Variants in TXLNG observed in about 807,000 individuals in gnomAD.
The protein encoded by TXLNG is taxilin gamma.
Under a neutral mutation model 38.8 loss-of-function variants are expected in TXLNG, and 5 were observed. That is an observed-to-expected ratio of 0.13 (90% CI 0.07 to 0.27). TXLNG has a LOEUF of 0.27. TXLNG is among the 10% of genes least tolerant of loss of function. The pLI is 1.00. For missense variants in TXLNG, 393 were observed against 398.2 expected (o/e 0.99, Z 0.11); for synonymous variants, 182 against 158.2 (o/e 1.15, Z -1.13).
chrX:16,787,620 G>C (rs767340997), intron 1 of TXLNG, among the ~76,000 whole-genome samples: 1 of 110,738 alleles, frequency 9.0e-6, no homozygotes, highest in African/African-American at 3.3e-5. Flanking sequence ...GAAAAAGATT[G>C]CACAACGAAC....
intron 1 of TXLNG, among the ~76,000 whole-genome samples, chrX:16,801,292 T>A (rs372250358): frequency 2.1e-4 from 23 of 111,793 alleles, no homozygotes; most frequent in African/African-American, 7.5e-4. Flanking sequence ...TTCATGCAAT[T>A]CTCCTGCCTC....
chrX:16,808,451 A>T (rs779404831), intron 1 of TXLNG, among the ~76,000 whole-genome samples: 12 of 111,925 alleles, frequency 1.1e-4, no homozygotes, highest in African/African-American at 3.2e-4. Context: ...TTTGCTGTTA[A>T]AAAACATGTT....
chrX:16,800,348 A>G (rs1465248763), intron 1 of TXLNG, among the ~76,000 whole-genome samples: 1 of 108,525 alleles, frequency 9.2e-6, no homozygotes, highest in African/African-American at 3.4e-5. Context: ...TCCACCTCCC[A>G]GGCTCAGGTG....
chrX:16,826,688 T>G (rs1002506968), intron 3 of TXLNG, among the ~76,000 whole-genome samples: 1 of 111,405 alleles, frequency 9.0e-6, no homozygotes, highest in Non-Finnish European at 1.9e-5. Flanking sequence ...TTCTCAGCAC[T>G]TTGGGAGGCC....
chrX:16,828,489 T>C lies in TXLNG; in HGVS notation c.669+225T>C, dbSNP rs957470261. ...TTCAAGGAAGAGCACCTTAGTTGCC[T>C]CATACTTGGCTCCCGGGAATCTACG... On this transcript the variant is annotated intron_variant, in intron 4 of 9. Transcript: ENST00000380122. Among the ~76,000 whole-genome samples the C allele has an allele frequency of 2.7e-5, 3 of 112,260 alleles. No individual in the cohort carries two copies. In the South Asian group the frequency reaches 1.1e-3, roughly 42 times the overall value.
intron 1 of TXLNG, among the ~76,000 whole-genome samples, chrX:16,801,774 T>C (rs1159693175): frequency 2.7e-5 from 3 of 110,499 alleles, no homozygotes; most frequent in Admixed American, 9.7e-5. Flanking sequence ...CTGAAGCCCA[T>C]GTCTTGCATG....
At chrX:16,830,238 A>G (rs2147492639) in intron 5 of TXLNG, among the ~76,000 whole-genome samples, 1 of 107,991 alleles carries the variant, frequency 9.3e-6, no homozygotes, top group South Asian at 4.2e-4. Flanking sequence ...CCTACTTCTA[A>G]CCCCTTCTAA....
intron 8 of TXLNG, among the ~76,000 whole-genome samples, chrX:16,838,663 C>A (rs1929688581): frequency 8.9e-6 from 1 of 112,074 alleles, no homozygotes; most frequent in Admixed American, 9.4e-5. Flanking sequence ...CTGGAGAATT[C>A]CATGAGCAGC....
At chrX:16,791,933 C>G (rs762397617) in intron 1 of TXLNG, among the ~76,000 whole-genome samples, 50 of 112,113 alleles carry the variant, frequency 4.5e-4, no homozygotes, top group Non-Finnish European at 9.0e-4. Context: ...TTGGTCTTGC[C>G]TAGAGAAGTT....
chrX:16,833,542 A>G (rs941011728), intron 6 of TXLNG, among the ~76,000 whole-genome samples: 1 of 111,760 alleles, frequency 8.9e-6, no homozygotes, highest in African/African-American at 3.3e-5. Context: ...TCACAGTGTC[A>G]TCCTTCCATA....
chrX:16,789,824 C>T lies in TXLNG; in HGVS notation c.102+3235C>T, dbSNP rs1784948815. On this transcript the variant is annotated intron_variant, in intron 1 of 9. Coordinates refer to ENST00000380122, the MANE Select transcript of TXLNG (RefSeq NM_018360.3). Reference sequence around the variant, plus strand: ...TATTATTATTTTTGAGATGGGGTTTCGCTCTTGTTGCCCAGGCTAGAGTGC... The same window carrying T: ...TATTATTATTTTTGAGATGGGGTTTTGCTCTTGTTGCCCAGGCTAGAGTGC... Among the ~76,000 whole-genome samples, 4 of 108,380 alleles carry T rather than the reference C, an allele frequency of 3.7e-5. No homozygotes were observed. In the Admixed American group the frequency reaches 4.1e-4, roughly 11 times the overall value. The allele number at this position is 108,380 out of a possible 115,157, so 94.1% of individuals were successfully genotyped here. A position where few individuals can be genotyped will look rare whatever the true frequency, so the allele number is the denominator to read the frequency against.
At chrX:16,821,183 C>T (rs1305866056) in intron 3 of TXLNG, among the ~76,000 whole-genome samples, 2 of 94,392 alleles carry the variant, frequency 2.1e-5, no homozygotes, top group African/African-American at 8.1e-5. Context: ...CTCCGTCACC[C>T]AGGCTGGATT....
intron 7 of TXLNG, among the ~76,000 whole-genome samples, chrX:16,834,754 T>C (rs929552075): frequency 6.2e-5 from 7 of 112,426 alleles, no homozygotes; most frequent in Admixed American, 1.9e-4. Flanking sequence ...TTATTTTGTA[T>C]CAAGTTGAAC....
Position 16,786,517 on chromosome X carries a change from G to T in TXLNG, c.30G>T (p.Arg10=), listed in dbSNP as rs773035351. 1.6e-5 allele frequency: 18 copies of T among 1,109,325 alleles called. No individual in the cohort carries two copies. Among genetic ancestry groups the T allele is most frequent in the Non-Finnish European group, 2.0e-5 (17 of 849,045 alleles). The allele number at this position is 1,109,325 out of a possible 1,213,427, so 91.4% of individuals were successfully genotyped here. A position where few individuals can be genotyped will look rare whatever the true frequency, so the allele number is the denominator to read the frequency against. ...CGACGCGGGTAGAGGAGGCAGCGCG[G>T]GGAAGAGGCGGCGGCGCCGAAGAGG... The part of the protein sequence containing the change: MATRVEEAA[R]GRGGGAEEAT... The change falls in exon 1 of 10, where the codon CGG becomes CGT. Residue 10 remains arginine, a synonymous_variant. Transcript: ENST00000380122.
chrX:16,840,759 G>A (rs753363811), intron 9 of TXLNG, among the ~76,000 whole-genome samples: 8 of 110,524 alleles, frequency 7.2e-5, no homozygotes, highest in East Asian at 2.9e-4. Flanking sequence ...GCGACAGAGC[G>A]AGACTGTCTC....
rs143661340 is a variant in TXLNG, at chrX:16,839,862, T to C, written c.1194T>C (p.Ile398=). 75 of 1,201,926 alleles carry C rather than the reference T, an allele frequency of 6.2e-5. No individual in the cohort carries two copies. Among genetic ancestry groups the C allele is most frequent in the Non-Finnish European group, 8.1e-5 (72 of 891,079 alleles). The change falls in exon 9 of 10, where the codon ATT becomes ATC. Residue 398 remains isoleucine (I), a synonymous_variant. Coordinates refer to ENST00000380122, the MANE Select transcript of TXLNG (RefSeq NM_018360.3). Reference sequence around the variant, plus strand: ...AAAAACTGGAAAAAGAAACAATAATTTGGCGTACCAAATGGGAAAACAATA... The same window carrying C: ...AAAAACTGGAAAAAGAAACAATAATCTGGCGTACCAAATGGGAAAACAATA... The part of the protein sequence containing the change: ...KIKKLEKETI[I]WRTKWENNNK...
chrX:16,822,887 C>T (rs943041908), intron 3 of TXLNG, among the ~76,000 whole-genome samples: 6 of 111,623 alleles, frequency 5.4e-5, no homozygotes, highest in East Asian at 2.8e-4. Flanking sequence ...AACAAATGCC[C>T]GGGCAACAGT....
rs1303880902 is a variant in TXLNG at position 16,832,703 on chromosome X, A to G, written c.945A>G (p.Ile315Met). ...DAKLQQTTQL[I>M]KEADEKHQRE... ...AACTGCAGCAAACGACACAACTGAT[A>G]AAAGAAGCTGATGAAAAACATCAGA... Residue 315 changes from isoleucine (I) to methionine (M), a missense_variant, in exon 6 of 10, where the codon ATA becomes ATG. Physicochemically the swap from Ile to Met is conservative, Grantham distance 10. Coordinates refer to ENST00000380122, the MANE Select transcript of TXLNG (RefSeq NM_018360.3). 1 of 1,206,706 alleles carries G rather than the reference A, an allele frequency of 8.3e-7. No homozygotes were observed.
chrX:16,833,868 C>T (rs966481147), intron 6 of TXLNG, among the ~76,000 whole-genome samples: 4 of 112,124 alleles, frequency 3.6e-5, no homozygotes, highest in South Asian at 3.7e-4. Flanking sequence ...AGATTGATTG[C>T]GTTGCTTTCC....
Sources: allele counts gnomAD v4.1 joint callset (sites outside exome capture counted in the v4.1 genomes callset), GRCh38; gene constraint gnomAD v4.1.1; transcripts MANE v1.5; gene names NCBI Gene and HGNC (gene_info 2026-07-23, HGNC 2026-07-21).